Variants in DCBLD2 observed in about 807,000 individuals in gnomAD.
DCBLD2 encodes discoidin, CUB and LCCL domain-containing protein 2.
DCBLD2 carries 54 observed loss-of-function variants against 86.8 expected under a neutral mutation model. The observed-to-expected ratio is 0.62, with a 90% CI of 0.50 to 0.78. The LOEUF (loss-of-function observed/expected upper bound fraction) is 0.78, where lower values mean the gene tolerates loss of function less well. Ranked by LOEUF, DCBLD2 falls within the 30% of genes least tolerant of loss-of-function variation. DCBLD2 has a pLI of 0.00. For synonymous variants in DCBLD2, 354 were observed against 341.3 expected (o/e 1.04, Z -0.41); for missense variants, 908 against 954.2 (o/e 0.95, Z 0.64).
intron 2 of DCBLD2, among the ~76,000 whole-genome samples, chr3:98,861,510 A>T (rs1943044048): frequency 6.6e-6 from 1 of 152,246 alleles, no homozygotes; most frequent in Non-Finnish European, 1.5e-5. Flanking sequence ...AAAGAACAGA[A>T]ATCATAACAA....
At chr3:98,805,879 A>T (rs1408097729) in intron 13 of DCBLD2, among the ~76,000 whole-genome samples, 3 of 152,026 alleles carry the variant, frequency 2.0e-5, no homozygotes, top group African/African-American at 7.3e-5. Context: ...GTTATACTTT[A>T]TTTATTATGT....
At chr3:98,825,693 T>C (rs528647073) in intron 3 of DCBLD2, among the ~76,000 whole-genome samples, 13 of 126,648 alleles carry the variant, frequency 1.0e-4, no homozygotes, top group African/African-American at 3.4e-4. Flanking sequence ...AGAACATGCA[T>C]AGATAAGTAA....
Position 98,888,325 on chromosome 3 carries a change from A to C in DCBLD2, c.206-6558T>G, listed in dbSNP as rs554537784. ...ATAATCTACAAAACTGAATAACATGAAGGAATGTGAGCTATATATAAATCC... is the reference window on the plus strand; with the variant it reads ...ATAATCTACAAAACTGAATAACATGCAGGAATGTGAGCTATATATAAATCC... On this transcript the variant is annotated intron_variant, in intron 1 of 15. Coordinates refer to ENST00000326840, the MANE Select transcript of DCBLD2 (RefSeq NM_080927.4). 6.6e-5 allele frequency among the ~76,000 whole-genome samples: 10 copies of C among 152,040 alleles called. No homozygotes were observed. In the East Asian group the frequency reaches 1.7e-3, roughly 26 times the overall value.
chr3:98,893,736 C>G (rs937913282), intron 1 of DCBLD2, among the ~76,000 whole-genome samples: 5 of 152,118 alleles, frequency 3.3e-5, no homozygotes, highest in African/African-American at 1.2e-4. Flanking sequence ...AAAGTGCCAT[C>G]AAAGTGTAAA....
chr3:98,808,122 A>G lies in DCBLD2; in HGVS notation c.1629T>C (p.Thr543=), dbSNP rs751815009. The change falls in exon 13 of 16, where the codon ACT becomes ACC. Residue 543 remains threonine, a synonymous_variant. Transcript: ENST00000326840. ...LVPVLVMVLT[T]LILILVCAWH... ...AAGCACACACTAATATGAGAATGAG[A>G]GTAGTGAGGACCATGACCAGCACAG... The G allele has an allele frequency of 2.5e-6, 4 of 1,607,564 alleles. No individual in the cohort carries two copies. The African/African-American group carries it at 5.4e-5, about 22-fold the overall frequency.
At chr3:98,870,791 A>AAG (rs1258280549) in intron 2 of DCBLD2, among the ~76,000 whole-genome samples, 2 of 151,018 alleles carry the variant, frequency 1.3e-5, no homozygotes, top group African/African-American at 2.4e-5. Flanking sequence ...GAAAGAAAGA[A>AAG]AGAAAGAAAG....
intron 4 of DCBLD2, 71 bp from the exon 5 acceptor site, chr3:98,822,812 A>C: frequency 1.5e-6 from 2 of 1,313,606 alleles, no homozygotes; most frequent in Non-Finnish European, 1.0e-6. Context: ...CCCCCCAAAA[A>C]TATCACAGAC....
chr3:98,829,369 T>C (rs569657641), intron 3 of DCBLD2, among the ~76,000 whole-genome samples: 2 of 152,296 alleles, frequency 1.3e-5, no homozygotes, highest in South Asian at 2.1e-4. Flanking sequence ...GGGTTTGCTG[T>C]ATCTTTTGTC....
Position 98,800,604 on chromosome 3 carries a change from G to C in DCBLD2, c.1833C>G (p.Thr611=). 6.2e-7 allele frequency: 1 copy of C among 1,613,840 alleles called. No individual in the cohort carries two copies. The highest frequency in any genetic ancestry group is 8.5e-7 in the Non-Finnish European group (1 of 1,179,822). The part of the protein sequence containing the change: ...EVNHLSPREV[T]TVLQADSAEY... The stretch of plus-strand genomic sequence containing the variant: ...CTGCAGAGTCAGCCTGCAGCACTGT[G>C]GTGACTTCTCTTGGACTCAGGTGAT... Residue 611 remains threonine (T), a synonymous_variant, in exon 15 of 16, where the codon ACC becomes ACG. Transcript: ENST00000326840.
At chr3:98,889,856 G>T (rs572062609) in intron 1 of DCBLD2, among the ~76,000 whole-genome samples, 1 of 152,060 alleles carries the variant, frequency 6.6e-6, no homozygotes, top group African/African-American at 2.4e-5. Context: ...ACCTGTAATT[G>T]TAGTTCTTCA....
At chr3:98,885,307 TATTTGAC>T (rs1227380648) in intron 1 of DCBLD2, among the ~76,000 whole-genome samples, 1 of 152,098 alleles carries the variant, frequency 6.6e-6, no homozygotes, top group Non-Finnish European at 1.5e-5. Flanking sequence ...TCTCAAAAAA[TATTTGAC>T]AAGTTTAACC....
intron 13 of DCBLD2, among the ~76,000 whole-genome samples, chr3:98,805,560 C>T (rs1230473036): frequency 6.6e-6 from 1 of 152,136 alleles, no homozygotes; most frequent in African/African-American, 2.4e-5. Flanking sequence ...TAAGCTGCAG[C>T]TGTTTTTATT....
intron 3 of DCBLD2, among the ~76,000 whole-genome samples, chr3:98,841,366 AT>A (rs1471871901): frequency 3.9e-5 from 6 of 152,256 alleles, no homozygotes; most frequent in Non-Finnish European, 5.9e-5. Context: ...TTTAAAAAAA[AT>A]AAAGTACAAT....
At chr3:98,820,138 T>C (rs1942092836) in intron 7 of DCBLD2, 110 bp downstream of exon 7, 2 of 602,634 alleles carry the variant, frequency 3.3e-6, no homozygotes, top group South Asian at 1.6e-4. Flanking sequence ...CATAGTGTTA[T>C]TAAGACAACT....
At chr3:98,839,183 C>CTTTCTTTCTTTCCTTTCTTT (rs1559781619) in intron 3 of DCBLD2, among the ~76,000 whole-genome samples, 1 of 51,924 alleles carries the variant, frequency 1.9e-5, no homozygotes. Context: ...TTTCTTTCTT[C>CTTTCTTTCTTTCCTTTCTTT]CTTCCTTCCT....
chr3:98,849,335 G>T, intron 3 of DCBLD2, 126 bp downstream of exon 3: 2 of 1,165,674 alleles, frequency 1.7e-6, no homozygotes, highest in Non-Finnish European at 2.5e-6. Context: ...ATTTATATAT[G>T]TGCTATTAAT....
chr3:98,892,492 C>T (rs1315211313), intron 1 of DCBLD2, among the ~76,000 whole-genome samples: 1 of 152,062 alleles, frequency 6.6e-6, no homozygotes, highest in African/African-American at 2.4e-5. Flanking sequence ...TGAGGGCCAA[C>T]TCACCCTTTC....
intron 1 of DCBLD2, among the ~76,000 whole-genome samples, chr3:98,882,990 T>A (rs1344972532): frequency 2.0e-5 from 3 of 152,212 alleles, no homozygotes; most frequent in African/African-American, 7.2e-5. Flanking sequence ...CCTTGAGGAA[T>A]CGCCACACTG....
chr3:98,819,065 TAAC>T, intron 8 of DCBLD2, 134 bp downstream of exon 8: 2 of 874,454 alleles, frequency 2.3e-6, no homozygotes, highest in South Asian at 3.7e-5. Flanking sequence ...CTAGTAATAT[TAAC>T]ATCAGTGAAG....
Sources: gnomAD v4.1 joint callset for allele counts (sites outside exome capture counted in the v4.1 genomes callset) on GRCh38, gnomAD v4.1.1 for gene constraint, MANE v1.5 for transcripts, NCBI Gene and HGNC (gene_info 2026-07-23, HGNC 2026-07-21) for gene names.